GYG1: variants seen among roughly 807,000 people sequenced by gnomAD.
The protein encoded by GYG1 is glycogenin 1.
GYG1 carries 44 observed loss-of-function variants against 41.9 expected under a neutral mutation model. That is an observed-to-expected ratio of 1.05 (90% confidence interval 0.83 to 1.35). The LOEUF is 1.35. Among genes scored for constraint, GYG1 ranks in the 40% most tolerant of loss-of-function variants. GYG1 has a pLI of 0.00. For synonymous variants in GYG1, 141 were observed against 158.1 expected (o/e 0.89, Z 0.81); for missense variants, 429 against 418.9 (o/e 1.02, Z -0.21).
chr3:149,015,579 A>T lies in GYG1; in HGVS notation c.608+6177A>T, dbSNP rs144631497. ...GATGCTCACAGATATGAGGTCAGAT[A>T]CAAGACAACTGAGAATTGGCACTGG... On this transcript the variant is annotated intron_variant, in intron 5 of 7. Transcript: ENST00000345003. Among the ~76,000 whole-genome samples the T allele has an allele frequency of 9.3e-3, 1,420 of 152,316 alleles. 31 individuals are homozygous for T. Among genetic ancestry groups the T allele is most frequent in the African/African-American group, 0.033 (1,375 of 41,580 alleles).
chr3:149,004,239 G>A (rs2107896466), intron 4 of GYG1, among the ~76,000 whole-genome samples: 1 of 152,348 alleles, frequency 6.6e-6, no homozygotes, highest in African/African-American at 2.4e-5. Flanking sequence ...AATCATGTTT[G>A]TTGGCTCTGA....
In GYG1 at chr3:149,014,923, A is replaced by G. The variant is rs150111806; in HGVS notation, c.608+5521A>G. Among the ~76,000 whole-genome samples, 1,404 of 151,720 alleles carry G rather than the reference A, an allele frequency of 9.3e-3. 30 individuals carry two copies. The highest frequency in any genetic ancestry group is 0.033 in the African/African-American group (1,358 of 41,410). On this transcript the variant is annotated intron_variant, in intron 5 of 7. Coordinates refer to ENST00000345003, the MANE Select transcript of GYG1 (RefSeq NM_004130.4). Reference sequence around the variant, plus strand: ...CAGAAGTCTCAAATCTGTGGGCCCCAGACTGTATTTATCACACAAGTATGT... The same window carrying G: ...CAGAAGTCTCAAATCTGTGGGCCCCGGACTGTATTTATCACACAAGTATGT...
At position 149,029,584 on chromosome 3, in the gene GYG1, C is replaced by T. The variant is rs1412136918; in HGVS notation, c.*2651C>T. On this transcript the variant is annotated 3_prime_UTR_variant, in exon 8 of 8. Transcript: ENST00000345003. The stretch of plus-strand genomic sequence containing the variant: ...AAACATTTGAGTTTTTGTTAAGAGC[C>T]AAACATCAAATGTGCCCTTATATTT... 6.6e-6 allele frequency among the ~76,000 whole-genome samples: 1 copy of T among 152,148 alleles called. No individual in the cohort carries two copies. Among genetic ancestry groups the T allele is most frequent in the Non-Finnish European group, 1.5e-5 (1 of 68,022 alleles).
intron 7 of GYG1, 128 bp from the exon 8 acceptor site, chr3:149,026,632 G>C (rs1158678907): frequency 2.0e-6 from 2 of 997,260 alleles, no homozygotes; most frequent in Non-Finnish European, 3.2e-6. Flanking sequence ...TTTGTTTCAT[G>C]TAATACTTTT....
chr3:149,019,549 G>T lies in GYG1; in HGVS notation c.609-4504G>T, dbSNP rs553946568. Among the ~76,000 whole-genome samples the T allele has an allele frequency of 7.9e-5, 12 of 152,298 alleles. No homozygotes were observed. The East Asian group carries it at 2.1e-3, about 27-fold the overall frequency. On this transcript the variant is annotated intron_variant, in intron 5 of 7. Coordinates refer to ENST00000345003, the MANE Select transcript of GYG1 (RefSeq NM_004130.4). ...TCTACTTTAAACAGCCTTACCAAGG[G>T]ATTTCTTAAAATGAAAACTGCCCTG...
At chr3:149,026,695 T>G (rs1714668861) in intron 7 of GYG1, 65 bp from the exon 8 acceptor site, 1 of 1,254,778 alleles carries the variant, frequency 8.0e-7, no homozygotes, top group Non-Finnish European at 1.2e-6. Context: ...GTCTTCAATT[T>G]ATTGCATTCT....
intron 5 of GYG1, among the ~76,000 whole-genome samples, chr3:149,015,487 T>C (rs1713970105): frequency 1.3e-5 from 2 of 151,634 alleles, no homozygotes; most frequent in Non-Finnish European, 2.9e-5. Flanking sequence ...CTCAGGGAAG[T>C]GTGGTATTGC....
intron 4 of GYG1, chr3:149,000,859 G>C (rs1388582381): frequency 6.6e-6 from 1 of 152,128 alleles, no homozygotes; most frequent in African/African-American, 2.4e-5. Context: ...AGAATATTAG[G>C]TATGATTTAT....
chr3:149,028,689 G>A lies in GYG1; in HGVS notation c.*1756G>A, dbSNP rs1384962302. 1.3e-5 allele frequency among the ~76,000 whole-genome samples: 2 copies of A among 150,806 alleles called. No individual in the cohort carries two copies. The highest frequency in any genetic ancestry group is 2.9e-5 in the Non-Finnish European group (2 of 67,834). ...CATAACAAAGCTCTAAGGTGGAAAA[G>A]CTGACATAGTTTTAAATTTTTTTTT... On this transcript the variant is annotated 3_prime_UTR_variant, in exon 8 of 8. Transcript: ENST00000345003.
At chr3:148,997,754 A>G (rs931676721) in intron 4 of GYG1, among the ~76,000 whole-genome samples, 2 of 152,248 alleles carry the variant, frequency 1.3e-5, no homozygotes, top group African/African-American at 4.8e-5. Context: ...ACATTCTCTT[A>G]GAAGCCCTCC....
chr3:148,995,623 C>A (rs1221668001), intron 2 of GYG1, among the ~76,000 whole-genome samples: 1 of 152,210 alleles, frequency 6.6e-6, no homozygotes, highest in South Asian at 2.1e-4. Flanking sequence ...CTAACCATTT[C>A]TCTTCAAAAA....
In GYG1 at chr3:149,024,077, G is replaced by A. The variant is rs755431625; in HGVS notation, c.633G>A (p.Val211=). The A allele has an allele frequency of 1.9e-6, 3 of 1,614,020 alleles. No individual in the cohort carries two copies. In the Admixed American group the frequency reaches 5.0e-5, roughly 27 times the overall value. Residue 211 remains valine (V), a synonymous_variant, in exon 6 of 8, where the codon GTG becomes GTA. Transcript: ENST00000345003. Reference sequence around the variant, plus strand: ...GGTTTGGTGCAAGTGCCAAAGTTGTGCATTTCCTGGGACGAGTCAAACCAT... The same window carrying A: ...GGTTTGGTGCAAGTGCCAAAGTTGTACATTTCCTGGGACGAGTCAAACCAT... ...FKVFGASAKV[V]HFLGRVKPWN...
In GYG1 at chr3:149,024,058, G is replaced by T. The variant is rs763516254; in HGVS notation, c.614G>T (p.Gly205Val). Reference protein sequence around the residue: ...YSYLPAFKVFGASAKVVHFLG... With the variant: ...YSYLPAFKVFVASAKVVHFLG... ...AACTTGCGTTCACTTGGCAGGTTTG[G>T]TGCAAGTGCCAAAGTTGTGCATTTC... The change falls in exon 6 of 8, where the codon GGT (glycine) becomes GTT (valine). Residue 205 changes from glycine to valine, a missense_variant. Gly to Val is a moderately radical substitution (Grantham distance 109, BLOSUM62 -3). Coordinates refer to ENST00000345003, the MANE Select transcript of GYG1 (RefSeq NM_004130.4). 32 of 1,613,124 alleles carry T rather than the reference G, an allele frequency of 2.0e-5. No homozygotes were observed. Among genetic ancestry groups the T allele is most frequent in the Middle Eastern group, 3.3e-4 (2 of 6,084 alleles).
chr3:148,994,384 C>T (rs536107366), intron 2 of GYG1, 107 bp downstream of exon 2: 10 of 1,208,544 alleles, frequency 8.3e-6, no homozygotes, highest in Admixed American at 1.7e-5. Context: ...AATTGAGCAC[C>T]GGGTAGAGAA....
chr3:149,026,783 A>G lies in GYG1; in HGVS notation c.903A>G (p.Ser301=), dbSNP rs1714674032. ...CRKEDVSGAI[S]HLSLGEIPAM... Reference sequence around the variant, plus strand: ...AGGAAGATGTCTCAGGAGCCATATCACATCTGTCCCTTGGGGAGATCCCAG... The same window carrying G: ...AGGAAGATGTCTCAGGAGCCATATCGCATCTGTCCCTTGGGGAGATCCCAG... The change falls in exon 8 of 8, where the codon TCA becomes TCG. Residue 301 remains serine, a synonymous_variant. Transcript: ENST00000345003. 1 of 1,612,470 alleles carries G rather than the reference A, an allele frequency of 6.2e-7. No individual in the cohort carries two copies. The highest frequency in any genetic ancestry group is 1.7e-5 in the Admixed American group (1 of 60,016).
intron 4 of GYG1, chr3:149,004,108 T>C (rs1185764118): frequency 6.6e-6 from 1 of 152,280 alleles, no homozygotes; most frequent in East Asian, 1.9e-4. Context: ...CAGAATGAGA[T>C]ACTTGCTTTT....
chr3:149,013,045 C>T (rs886307159), intron 5 of GYG1, among the ~76,000 whole-genome samples: 20 of 121,538 alleles, frequency 1.6e-4, no homozygotes, highest in African/African-American at 6.9e-4. Context: ...TATAGAGACA[C>T]GGTTTTGCCA....
intron 4 of GYG1, among the ~76,000 whole-genome samples, chr3:149,003,599 G>T (rs1296515861): frequency 6.6e-6 from 1 of 152,112 alleles, no homozygotes; most frequent in Non-Finnish European, 1.5e-5. Context: ...TTCTTCAAAA[G>T]ACTCTAGTAC....
At position 149,028,445 on chromosome 3, in the gene GYG1, T is replaced by C. The variant is rs933796533; in HGVS notation, c.*1512T>C. Among the ~76,000 whole-genome samples the C allele has an allele frequency of 5.3e-5, 8 of 152,110 alleles. No individual in the cohort carries two copies. The highest frequency in any genetic ancestry group is 1.9e-4 in the African/African-American group (8 of 41,432). ...AGTACAATGAAGCATTTACCAAAGATTTATTTAAGTGCCTCCATGTGTCAG... is the reference window on the plus strand; with the variant it reads ...AGTACAATGAAGCATTTACCAAAGACTTATTTAAGTGCCTCCATGTGTCAG... On this transcript the variant is annotated 3_prime_UTR_variant, in exon 8 of 8. Transcript: ENST00000345003.
Sources: allele counts gnomAD v4.1 joint callset (sites outside exome capture counted in the v4.1 genomes callset), GRCh38; gene constraint gnomAD v4.1.1; transcripts MANE v1.5; gene names NCBI Gene and HGNC (gene_info 2026-07-23, HGNC 2026-07-21).